RBM33: variants seen among roughly 807,000 people sequenced by gnomAD.
The protein encoded by RBM33 is RNA-binding protein 33.
In RBM33, 28 loss-of-function variants were observed where a neutral mutation model predicts 132.6. That is an observed-to-expected ratio of 0.21 (90% CI 0.16 to 0.29). The LOEUF is 0.29. Ranked by LOEUF, RBM33 falls within the 10% of genes least tolerant of loss-of-function variation. The pLI is 1.00. For synonymous variants in RBM33, 634 were observed against 593.0 expected (o/e 1.07, Z -1.01); for missense variants, 1,291 against 1,518.5 (o/e 0.85, Z 2.49).
intron 11 of RBM33, chr7:155,738,803 A>T (rs1000246241): frequency 7.0e-5 from 13 of 184,922 alleles, no homozygotes; most frequent in Middle Eastern, 2.6e-3. Context: ...GGAGGGAAGA[A>T]GATGTTGCTG....
chr7:155,770,283 A>G (rs1046976324), intron 16 of RBM33, among the ~76,000 whole-genome samples: 1 of 152,058 alleles, frequency 6.6e-6, no homozygotes. Context: ...TTTCTTTACC[A>G]CTCAGCCCAC....
intron 5 of RBM33, among the ~76,000 whole-genome samples, chr7:155,700,191 C>T (rs1256321402): frequency 6.6e-6 from 1 of 152,152 alleles, no homozygotes; most frequent in Admixed American, 6.6e-5. Flanking sequence ...TTTCAATAGT[C>T]TCAGTCAAAG....
At chr7:155,696,129 A>T (rs1799788233) in intron 5 of RBM33, among the ~76,000 whole-genome samples, 1 of 152,126 alleles carries the variant, frequency 6.6e-6, no homozygotes, top group South Asian at 2.1e-4. Flanking sequence ...TTGTATCCCT[A>T]TATCAGTACT....
At chr7:155,655,882 C>T (rs989470440) in intron 1 of RBM33, among the ~76,000 whole-genome samples, 8 of 151,794 alleles carry the variant, frequency 5.3e-5, no homozygotes, top group Admixed American at 2.0e-4. Context: ...TGCAAGACCC[C>T]GTCTCTTAAA....
intron 1 of RBM33, among the ~76,000 whole-genome samples, chr7:155,648,038 G>A (rs1049293225): frequency 2.0e-5 from 3 of 152,180 alleles, no homozygotes; most frequent in Non-Finnish European, 2.9e-5. Flanking sequence ...GAGCTAATCT[G>A]ATTTTATAGG....
In RBM33 at chr7:155,738,344, C is replaced by T. The variant is rs771088860; in HGVS notation, c.1678C>T (p.Pro560Ser). The change falls in exon 11 of 18, where the codon CCG becomes TCG. Residue 560 changes from proline to serine, a missense_variant. Physicochemically the swap from Pro to Ser is moderately conservative, Grantham distance 74. This residue lies in a region of RBM33 where 841 missense variants were observed against 912.0 expected (regional missense o/e 0.92). Transcript: ENST00000401878. ...TTRPFIPPRQ[P>S]FLPGPGQPFL... is the part of the protein sequence containing the mutation. ...ACGGCCCTTCATTCCTCCTAGACAG[C>T]CGTTCCTGCCAGGCCCAGGACAGCC... 1 of 1,613,998 alleles carries T rather than the reference C, an allele frequency of 6.2e-7. No individual in the cohort carries two copies. Among genetic ancestry groups the T allele is most frequent in the South Asian group, 1.1e-5 (1 of 91,082 alleles).
At chr7:155,718,126 A>G (rs1800519099) in intron 8 of RBM33, among the ~76,000 whole-genome samples, 6 of 152,190 alleles carry the variant, frequency 3.9e-5, no homozygotes, top group Admixed American at 3.9e-4. Flanking sequence ...GTTGCAAAAT[A>G]TTTTAATTCC....
chr7:155,701,051 C>A, intron 6 of RBM33, 107 bp downstream of exon 6: 1 of 969,164 alleles, frequency 1.0e-6, no homozygotes. Context: ...TAGGTAATTG[C>A]GGCTGCCGTC....
At chr7:155,755,111 C>A (rs1801808420) in intron 14 of RBM33, among the ~76,000 whole-genome samples, 1 of 152,192 alleles carries the variant, frequency 6.6e-6, no homozygotes, top group African/African-American at 2.4e-5. Flanking sequence ...CATTTATTGT[C>A]CACATTTTGA....
At chr7:155,675,225 C>T (rs997852637) in intron 3 of RBM33, among the ~76,000 whole-genome samples, 2 of 142,352 alleles carry the variant, frequency 1.4e-5, no homozygotes, top group Non-Finnish European at 3.0e-5. Flanking sequence ...ACCTGGGAGG[C>T]GGAGGTTGCA....
chr7:155,771,427 A>G (rs1334642898), intron 16 of RBM33, among the ~76,000 whole-genome samples: 1 of 152,230 alleles, frequency 6.6e-6, no homozygotes, highest in South Asian at 2.1e-4. Context: ...GAGGGTAGAC[A>G]GGAAGCAAAT....
At chr7:155,648,835 CCTT>C (rs1398948068) in intron 1 of RBM33, among the ~76,000 whole-genome samples, 2 of 152,170 alleles carry the variant, frequency 1.3e-5, no homozygotes, top group African/African-American at 4.8e-5. Context: ...CATCCTATCA[CCTT>C]CTGGCTTCCA....
chr7:155,715,586 A>G (rs981039334), intron 8 of RBM33, among the ~76,000 whole-genome samples: 1 of 152,240 alleles, frequency 6.6e-6, no homozygotes, highest in Non-Finnish European at 1.5e-5. Flanking sequence ...TTTTAAACTC[A>G]GAACCAGCTA....
rs771668747 is a variant in RBM33, at chr7:155,745,362, G to A, written c.2739G>A (p.Leu913=). ...AACAGATGAAAGCACTGAAACATTT[G>A]AGACAGACCAGAACAGTTCCTCAAA... ...QGQQMKALKH[L]RQTRTVPQSQ... The change falls in exon 14 of 18, where the codon TTG becomes TTA. Residue 913 remains leucine, a synonymous_variant. Coordinates refer to ENST00000401878, the MANE Select transcript of RBM33 (RefSeq NM_053043.3). This position sits in a 1 kb window ranked among gnomAD's most constrained non-coding sequence, Gnocchi z 4.1. 6.2e-7 allele frequency: 1 copy of A among 1,613,238 alleles called. No individual in the cohort carries two copies. The highest frequency in any genetic ancestry group is 1.3e-5 in the African/African-American group (1 of 75,054).
intron 5 of RBM33, among the ~76,000 whole-genome samples, chr7:155,695,098 C>G (rs530738879): frequency 6.6e-6 from 1 of 152,062 alleles, no homozygotes; most frequent in East Asian, 1.9e-4. Context: ...AGTGTGTCAT[C>G]GTGGTTTTAG....
intron 5 of RBM33, 72 bp from the exon 6 acceptor site, chr7:155,700,701 C>A: frequency 9.2e-7 from 1 of 1,083,416 alleles, no homozygotes; most frequent in South Asian, 1.7e-5. Context: ...AATATTTTAG[C>A]ATTCTTTAAT....
intron 13 of RBM33, among the ~76,000 whole-genome samples, chr7:155,742,326 G>T (rs1461348138): frequency 1.3e-5 from 2 of 148,922 alleles, no homozygotes; most frequent in African/African-American, 5.0e-5. Context: ...TACAGTTACT[G>T]TTCTGTTATA....
intron 1 of RBM33, among the ~76,000 whole-genome samples, chr7:155,649,231 A>G (rs961117314): frequency 3.9e-5 from 6 of 152,018 alleles, no homozygotes; most frequent in Non-Finnish European, 5.9e-5. Flanking sequence ...TTCCTCACCT[A>G]TAGCACCCTT....
chr7:155,650,371 A>G (rs576744286), intron 1 of RBM33, among the ~76,000 whole-genome samples: 1 of 152,198 alleles, frequency 6.6e-6, no homozygotes, highest in African/African-American at 2.4e-5. Flanking sequence ...TGTTGTGATT[A>G]TGTGTTCTTC....
Sources: allele counts gnomAD v4.1 joint callset (sites outside exome capture counted in the v4.1 genomes callset), GRCh38; gene constraint gnomAD v4.1.1; regional missense constraint gnomAD v4.1.1; non-coding constraint Gnocchi (gnomAD v3.1); transcripts MANE v1.5; gene names NCBI Gene and HGNC (gene_info 2026-07-23, HGNC 2026-07-21).